TRIO: variants seen among roughly 807,000 people sequenced by gnomAD.
TRIO encodes triple functional domain protein.
Under a neutral mutation model 351.9 loss-of-function variants are expected in TRIO, and 58 were observed. The ratio of observed to expected loss-of-function variants is 0.16; its 90% CI spans 0.13 to 0.21. The LOEUF is 0.21. Among genes scored for constraint, TRIO ranks in the 10% least tolerant of loss-of-function variants. The pLI is 1.00. For missense variants in TRIO, 3,201 were observed against 4,027.8 expected, an observed-to-expected ratio of 0.79 and a Z score of 5.56; for synonymous variants, 1,758 against 1,595.7, an observed-to-expected ratio of 1.10 and a Z score of -2.42.
intron 7 of TRIO, among the ~76,000 whole-genome samples, chr5:14,301,650 A>G (rs927571601): frequency 3.3e-5 from 5 of 152,298 alleles, no homozygotes; most frequent in African/African-American, 1.2e-4. Context: ...TCATATTAGA[A>G]GCTTTTCTAA....
At chr5:14,150,049 G>T (rs1163988183) in intron 1 of TRIO, among the ~76,000 whole-genome samples, 1 of 152,210 alleles carries the variant, frequency 6.6e-6, no homozygotes, top group Non-Finnish European at 1.5e-5. Context: ...CTGAAAGGAG[G>T]GGGAGCTGGT....
chr5:14,208,667 A>G (rs1057365222), intron 1 of TRIO, among the ~76,000 whole-genome samples: 1 of 152,260 alleles, frequency 6.6e-6, no homozygotes, highest in African/African-American at 2.4e-5. Flanking sequence ...ACTGAAGAGT[A>G]TACTTTTGTA....
rs957721034 is a variant in TRIO at position 14,369,539 on chromosome 5, C to T, written c.3216+16C>T. On this transcript the variant is annotated intron_variant, in intron 18 of 56. Coordinates refer to ENST00000344204, the MANE Select transcript of TRIO (RefSeq NM_007118.4). ...ATTCCTGAAGGTAGGGGCAGCGCTGCGGGACAGTGCACCCATCAGAGGCTT... is the reference window on the plus strand; with the variant it reads ...ATTCCTGAAGGTAGGGGCAGCGCTGTGGGACAGTGCACCCATCAGAGGCTT... 2.7e-5 allele frequency: 44 copies of T among 1,609,282 alleles called. No individual in the cohort carries two copies. Among genetic ancestry groups the T allele is most frequent in the African/African-American group, 4.0e-5 (3 of 74,860 alleles).
At chr5:14,297,401 G>C (rs1737456903) in intron 7 of TRIO, 138 bp downstream of exon 7, 1 of 1,038,484 alleles carries the variant, frequency 9.6e-7, no homozygotes, top group East Asian at 2.6e-5. Flanking sequence ...ACTTGGCCCT[G>C]AGTTTAAATT....
At chr5:14,266,341 C>T (rs971850112) in intron 1 of TRIO, among the ~76,000 whole-genome samples, 1 of 152,108 alleles carries the variant, frequency 6.6e-6, no homozygotes, top group Admixed American at 6.5e-5. Context: ...ATCTTTCTAC[C>T]CAGCCAACCC....
chr5:14,151,628 A>ATG (rs1198932387), intron 1 of TRIO, among the ~76,000 whole-genome samples: 8 of 152,224 alleles, frequency 5.3e-5, no homozygotes, highest in Admixed American at 2.0e-4. Flanking sequence ...TTTGAAAATG[A>ATG]TGTGCATATG....
intron 16 of TRIO, among the ~76,000 whole-genome samples, chr5:14,367,820 T>C (rs575639541): frequency 7.2e-5 from 11 of 152,334 alleles, no homozygotes; most frequent in African/African-American, 2.4e-4. Context: ...TGGACATGCA[T>C]TAACACCTCT....
At chr5:14,250,223 C>A (rs769189961) in intron 1 of TRIO, among the ~76,000 whole-genome samples, 5 of 152,164 alleles carry the variant, frequency 3.3e-5, no homozygotes, top group Non-Finnish European at 7.3e-5. Context: ...CTTTAGCTGC[C>A]GGCCACGTGG....
intron 49 of TRIO, among the ~76,000 whole-genome samples, chr5:14,494,311 C>T (rs1756715753): frequency 6.6e-6 from 1 of 152,214 alleles, no homozygotes; most frequent in Non-Finnish European, 1.5e-5. Flanking sequence ...GTAGAGGCAT[C>T]TACTCTGCCT....
chr5:14,376,331 G>A (rs1443850491), intron 19 of TRIO, among the ~76,000 whole-genome samples: 4 of 152,182 alleles, frequency 2.6e-5, no homozygotes, highest in Admixed American at 2.0e-4. Flanking sequence ...GAGCAAAACA[G>A]ACTTAGTGTC....
chr5:14,439,694 G>T (rs143223900), intron 34 of TRIO, among the ~76,000 whole-genome samples: 1 of 152,128 alleles, frequency 6.6e-6, no homozygotes, highest in Non-Finnish European at 1.5e-5. Context: ...TCTGCCTCTC[G>T]CTGGGTCCTG....
intron 34 of TRIO, among the ~76,000 whole-genome samples, chr5:14,452,405 G>C (rs1279341645): frequency 6.6e-6 from 1 of 152,196 alleles, no homozygotes; most frequent in Non-Finnish European, 1.5e-5. Flanking sequence ...AAGGCTAGAG[G>C]AATCACTGTC....
At chr5:14,362,240 G>A (rs544953793) in intron 13 of TRIO, among the ~76,000 whole-genome samples, 1 of 152,352 alleles carries the variant, frequency 6.6e-6, no homozygotes, top group South Asian at 2.1e-4. Context: ...GGTTATGGCT[G>A]TGCTATAGTA....
intron 34 of TRIO, among the ~76,000 whole-genome samples, chr5:14,454,388 G>C (rs894955483): frequency 5.3e-5 from 8 of 152,204 alleles, no homozygotes; most frequent in Admixed American, 3.3e-4. Context: ...CGCTAGAAGG[G>C]TTGCCTTATT....
intron 7 of TRIO, among the ~76,000 whole-genome samples, chr5:14,302,320 G>C (rs1737974468): frequency 2.6e-5 from 4 of 152,132 alleles, no homozygotes; most frequent in Admixed American, 2.6e-4. Flanking sequence ...CTTGGTTTTG[G>C]GTGTTCTGCA....
At chr5:14,475,055 C>A (rs1169564209) in intron 40 of TRIO, among the ~76,000 whole-genome samples, 1 of 152,196 alleles carries the variant, frequency 6.6e-6, no homozygotes, top group African/African-American at 2.4e-5. Context: ...CACACCTATC[C>A]TAATCAGGAG....
chr5:14,348,706 T>G (rs1742677946), intron 11 of TRIO, among the ~76,000 whole-genome samples: 1 of 145,476 alleles, frequency 6.9e-6, no homozygotes, highest in Admixed American at 6.7e-5. Context: ...TCCTGCATGT[T>G]TATGTGTGTG....
At chr5:14,381,859 G>A (rs1192386673) in intron 21 of TRIO, among the ~76,000 whole-genome samples, 1 of 152,168 alleles carries the variant, frequency 6.6e-6, no homozygotes, top group Non-Finnish European at 1.5e-5. Flanking sequence ...TATGGCATAT[G>A]CCATATGTGT....
At chr5:14,419,321 C>T (rs1749917145) in intron 33 of TRIO, among the ~76,000 whole-genome samples, 3 of 152,232 alleles carry the variant, frequency 2.0e-5, no homozygotes, top group Non-Finnish European at 2.9e-5. Context: ...AGGGTCATAG[C>T]CCATTGCCTG....
Sources: allele counts gnomAD v4.1 joint callset (sites outside exome capture counted in the v4.1 genomes callset), GRCh38; gene constraint gnomAD v4.1.1; transcripts MANE v1.5; gene names NCBI Gene and HGNC (gene_info 2026-07-23, HGNC 2026-07-21).